Variants in RBP7 observed in about 807,000 individuals in gnomAD.
RBP7 encodes the protein retinoid-binding protein 7.
A neutral mutation model predicts 16.7 loss-of-function variants in RBP7; 13 were observed. The ratio of observed to expected loss-of-function variants is 0.78; its 90% CI spans 0.51 to 1.24. The LOEUF is 1.24. RBP7 is among the 50% of genes most tolerant of loss of function. The probability of loss-of-function intolerance (pLI) is 0.00; values close to 1 mark genes in which losing one functional copy is unlikely to be tolerated. For synonymous variants in RBP7, 54 were observed against 56.2 expected, an observed-to-expected ratio of 0.96 and a Z score of 0.17; for missense variants, 145 against 159.5, an observed-to-expected ratio of 0.91 and a Z score of 0.49.
At chr1:10,012,812 T>A (rs1478674477) in intron 3 of RBP7, among the ~76,000 whole-genome samples, 1 of 151,422 alleles carries the variant, frequency 6.6e-6, no homozygotes, top group Non-Finnish European at 1.5e-5. Flanking sequence ...CAGGCACTTG[T>A]AATCCCAGCT....
At chr1:10,008,469 T>G in intron 3 of RBP7, among the ~76,000 whole-genome samples, 195 bp downstream of exon 3, 1 of 142,562 alleles carries the variant, frequency 7.0e-6, no homozygotes, top group African/African-American at 2.7e-5. Context: ...TGAGATGGAG[T>G]ATCGCTGTGT....
intron 1 of RBP7, among the ~76,000 whole-genome samples, chr1:9,998,438 C>T (rs1164361716): frequency 5.7e-5 from 7 of 123,262 alleles, no homozygotes; most frequent in African/African-American, 9.7e-5. Context: ...GACGGAGTCT[C>T]GCTCTGTTGC....
intron 3 of RBP7, among the ~76,000 whole-genome samples, chr1:10,010,352 G>A (rs1033241639): frequency 6.6e-6 from 1 of 152,012 alleles, no homozygotes; most frequent in Non-Finnish European, 1.5e-5. Flanking sequence ...CTGACCTCAG[G>A]TGATCCACCC....
chr1:10,009,177 T>G (rs1413907172), intron 3 of RBP7, among the ~76,000 whole-genome samples: 2 of 152,112 alleles, frequency 1.3e-5, no homozygotes, highest in Non-Finnish European at 2.9e-5. Flanking sequence ...TTTGGGAGGC[T>G]GACGTGGGCG....
chr1:10,013,081 T>C (rs1165166668), intron 3 of RBP7, among the ~76,000 whole-genome samples: 3 of 150,982 alleles, frequency 2.0e-5, no homozygotes, highest in Non-Finnish European at 4.4e-5. Flanking sequence ...ATGATTTTTT[T>C]TTTTTTTTTC....
intron 3 of RBP7, among the ~76,000 whole-genome samples, chr1:10,014,247 G>A (rs1303774312): frequency 1.3e-5 from 2 of 152,130 alleles, no homozygotes; most frequent in South Asian, 4.1e-4. Context: ...GGGGTTTAGA[G>A]AGCTTCCATG....
intron 1 of RBP7, among the ~76,000 whole-genome samples, chr1:10,006,751 G>A (rs142085911): frequency 0.12 from 16,235 of 137,782 alleles, 1,536 homozygotes; most frequent in African/African-American, 0.28. Context: ...GTGTGTGTGT[G>A]TATATATATA....
intron 3 of RBP7, among the ~76,000 whole-genome samples, chr1:10,010,189 C>T (rs1408715927): frequency 2.6e-5 from 4 of 152,096 alleles, no homozygotes; most frequent in African/African-American, 4.8e-5. Context: ...GATCTCAGCT[C>T]GCTGCAAACT....
At chr1:10,002,188 A>G (rs186081182) in intron 1 of RBP7, among the ~76,000 whole-genome samples, 201 of 152,270 alleles carry the variant, frequency 1.3e-3, no homozygotes, top group Non-Finnish European at 2.1e-3. Flanking sequence ...TGAGATTAGA[A>G]GTGGCTTTGA....
Position 10,008,284 on chromosome 1 carries a change from A to G in RBP7, c.354+10A>G. ...AGACAAACTCCACCTGGTATCCACC[A>G]CATTTTGTTCTTAATGAGATGATAC... On this transcript the variant is annotated intron_variant, in intron 3 of 3. Coordinates refer to ENST00000294435, the MANE Select transcript of RBP7 (RefSeq NM_052960.3). 6.4e-7 allele frequency: 1 copy of G among 1,561,806 alleles called. No individual in the cohort carries two copies.
At chr1:9,999,024 G>A (rs1307371674) in intron 1 of RBP7, among the ~76,000 whole-genome samples, 1 of 152,082 alleles carries the variant, frequency 6.6e-6, no homozygotes, top group African/African-American at 2.4e-5. Context: ...TGTTGTGGGA[G>A]GGACCTGAGG....
Position 10,008,208 on chromosome 1 carries a change from T to C in RBP7, c.288T>C (p.Cys96=). Residue 96 remains cysteine, a synonymous_variant, in exon 3 of 4, where the codon TGT becomes TGC. Transcript: ENST00000294435. ...TCTGGGACAATGACAGGCTCACCTG[T>C]ATCCAGAAGGGAGAAAAGAAGAACA... is the stretch of plus-strand genomic sequence containing the variant. ...LVIWDNDRLT[C]IQKGEKKNRG... 1 of 1,613,282 alleles carries C rather than the reference T, an allele frequency of 6.2e-7. No homozygotes were observed. Among genetic ancestry groups the C allele is most frequent in the Non-Finnish European group, 8.5e-7 (1 of 1,179,442 alleles).
At chr1:10,014,788 G>C (rs1642733631) in intron 3 of RBP7, among the ~76,000 whole-genome samples, 1 of 152,156 alleles carries the variant, frequency 6.6e-6, no homozygotes, top group African/African-American at 2.4e-5. Flanking sequence ...AGCCCGAGGA[G>C]GGGTTGTGGG....
chr1:10,007,871 AC>A, intron 2 of RBP7, 123 bp downstream of exon 2: 1 of 865,164 alleles, frequency 1.2e-6, no homozygotes, highest in East Asian at 2.6e-5. Flanking sequence ...ACACGGCAAA[AC>A]CCTGTCTCTA....
intron 1 of RBP7, among the ~76,000 whole-genome samples, chr1:10,002,890 C>A (rs1642319395): frequency 6.6e-6 from 1 of 152,130 alleles, no homozygotes; most frequent in Non-Finnish European, 1.5e-5. Context: ...AATGTTGCAA[C>A]ATGGTAGTGA....
At chr1:10,003,987 C>T (rs1642348856) in intron 1 of RBP7, 2 of 151,652 alleles carry the variant, frequency 1.3e-5, no homozygotes, top group Admixed American at 1.3e-4. Flanking sequence ...AACTCCTGAC[C>T]TCAGGTGATC....
At chr1:10,010,999 G>T (rs934385190) in intron 3 of RBP7, among the ~76,000 whole-genome samples, 1 of 152,188 alleles carries the variant, frequency 6.6e-6, no homozygotes, top group African/African-American at 2.4e-5. Context: ...AAAGTGCTGG[G>T]ATTACAAGCG....
intron 3 of RBP7, among the ~76,000 whole-genome samples, chr1:10,011,306 G>A (rs945401987): frequency 6.1e-4 from 93 of 152,156 alleles, no homozygotes; most frequent in African/African-American, 2.1e-3. Context: ...AGAAGAAACA[G>A]GGAAGTGAGT....
chr1:10,013,681 G>A (rs1360232347), intron 3 of RBP7, among the ~76,000 whole-genome samples: 3 of 151,994 alleles, frequency 2.0e-5, no homozygotes, highest in Admixed American at 1.3e-4. Flanking sequence ...GTGGTGGCGG[G>A]CACCTGTAGT....
Sources: gnomAD v4.1 joint callset for allele counts (sites outside exome capture counted in the v4.1 genomes callset) on GRCh38, gnomAD v4.1.1 for gene constraint, MANE v1.5 for transcripts, NCBI Gene and HGNC (gene_info 2026-07-23, HGNC 2026-07-21) for gene names.